DENND1A: variants seen among roughly 807,000 people sequenced by gnomAD.
DENND1A encodes DENN domain-containing protein 1A.
DENND1A carries 51 observed loss-of-function variants against 113.7 expected under a neutral mutation model. The observed-to-expected ratio is 0.45, with a 90% confidence interval of 0.36 to 0.57. The LOEUF (loss-of-function observed/expected upper bound fraction) is 0.57. Among genes scored for constraint, DENND1A ranks in the 20% least tolerant of loss-of-function variants. The pLI is 0.00. For missense variants in DENND1A, 1,258 were observed against 1,395.9 expected, an observed-to-expected ratio of 0.90 and a Z score of 1.57; for synonymous variants, 565 against 570.8, an observed-to-expected ratio of 0.99 and a Z score of 0.14.
rs562109212 is a variant in DENND1A at position 123,889,797 on chromosome 9, A to AC, written c.18-10777dup. Among the ~76,000 whole-genome samples, 200 of 152,224 alleles carry AC rather than the reference A, an allele frequency of 1.3e-3. 1 individual carries two copies. The highest frequency in any genetic ancestry group is 4.6e-3 in the African/African-American group (191 of 41,516). On this transcript the variant is annotated intron_variant, in intron 1 of 23. Transcript: ENST00000394215. Reference sequence around the variant, plus strand: ...AGACCAGCCTGGCCAACATGGTGAAACCCCGTCTCTACTAAAAATACAAAA... The same window carrying AC: ...AGACCAGCCTGGCCAACATGGTGAAACCCCCGTCTCTACTAAAAATACAAAA...
intron 9 of DENND1A, among the ~76,000 whole-genome samples, chr9:123,644,100 G>A (rs563380826): frequency 2.0e-5 from 3 of 152,060 alleles, no homozygotes; most frequent in South Asian, 2.1e-4. Flanking sequence ...ATCAACTTTC[G>A]GGGGTGCTAA....
chr9:123,475,176 G>A (rs533597280), intron 13 of DENND1A, among the ~76,000 whole-genome samples: 2 of 152,058 alleles, frequency 1.3e-5, no homozygotes, highest in African/African-American at 2.4e-5. Flanking sequence ...CCGCCAACAC[G>A]CCCGGCTAAT....
At chr9:123,388,107 A>G (rs984813753) in intron 21 of DENND1A, among the ~76,000 whole-genome samples, 1 of 152,230 alleles carries the variant, frequency 6.6e-6, no homozygotes, top group African/African-American at 2.4e-5. Flanking sequence ...CATTTGGTTA[A>G]CCCTCAAAGT....
chr9:123,880,910 T>C (rs1848228788), intron 1 of DENND1A, among the ~76,000 whole-genome samples: 1 of 152,184 alleles, frequency 6.6e-6, no homozygotes, highest in Non-Finnish European at 1.5e-5. Context: ...GCTTATATTA[T>C]AAATAATGGC....
intron 5 of DENND1A, among the ~76,000 whole-genome samples, chr9:123,741,944 G>C (rs997076507): frequency 1.3e-5 from 2 of 152,282 alleles, no homozygotes; most frequent in South Asian, 4.1e-4. Flanking sequence ...AAGTACTGAG[G>C]GATAATTCTG....
intron 2 of DENND1A, among the ~76,000 whole-genome samples, chr9:123,829,957 T>G (rs891948766): frequency 3.9e-5 from 6 of 152,142 alleles, no homozygotes; most frequent in Admixed American, 2.0e-4. Flanking sequence ...CTAAACAAAA[T>G]TTTAGCAAAA....
intron 12 of DENND1A, among the ~76,000 whole-genome samples, chr9:123,574,956 T>C (rs1589198313): frequency 6.6e-6 from 1 of 152,208 alleles, no homozygotes; most frequent in Non-Finnish European, 1.5e-5. Context: ...CAAGATCCAA[T>C]CCAGGATCCT....
At chr9:123,655,321 G>A (rs559111491) in intron 8 of DENND1A, among the ~76,000 whole-genome samples, 75 of 152,312 alleles carry the variant, frequency 4.9e-4, no homozygotes, top group African/African-American at 1.6e-3. Flanking sequence ...CACGGAGGAA[G>A]CAATGGCTGA....
At chr9:123,591,013 T>C (rs551788681) in intron 11 of DENND1A, among the ~76,000 whole-genome samples, 1 of 152,284 alleles carries the variant, frequency 6.6e-6, no homozygotes, top group African/African-American at 2.4e-5. Flanking sequence ...GTCCAGGATT[T>C]TTAACTTTTT....
At chr9:123,566,991 G>A (rs12342546) in intron 12 of DENND1A, among the ~76,000 whole-genome samples, 40,489 of 151,328 alleles carry the variant, frequency 0.27, 5,616 homozygotes, top group African/African-American at 0.3. Flanking sequence ...CAAGCTACAG[G>A]AGACTACAAG....
intron 1 of DENND1A, among the ~76,000 whole-genome samples, chr9:123,889,255 T>C (rs1272603779): frequency 6.6e-6 from 1 of 152,066 alleles, no homozygotes; most frequent in African/African-American, 2.4e-5. Flanking sequence ...CCTTTCGGCT[T>C]CCTCCTCTGT....
Position 123,746,969 on chromosome 9 carries a change from C to T in DENND1A, c.302+10734G>A, listed in dbSNP as rs1008352103. Among the ~76,000 whole-genome samples, 5 of 152,072 alleles carry T rather than the reference C, an allele frequency of 3.3e-5. No individual in the cohort carries two copies. In the East Asian group the frequency reaches 9.6e-4, roughly 29 times the overall value. ...AGTGACAGTAAAAATCCTAGCTCAG[C>T]AGAAAACAGTATACTAGCAAACATA... On this transcript the variant is annotated intron_variant, in intron 5 of 23. Coordinates refer to ENST00000394215, the MANE Select transcript of DENND1A (RefSeq NM_001352964.2).
At chr9:123,630,554 C>A in intron 9 of DENND1A, 78 bp from the exon 10 acceptor site, 1 of 963,104 alleles carries the variant, frequency 1.0e-6, no homozygotes. Context: ...CAATACAATT[C>A]TATAATTCTT....
intron 13 of DENND1A, among the ~76,000 whole-genome samples, chr9:123,540,884 A>C (rs2056237795): frequency 6.6e-6 from 1 of 152,166 alleles, no homozygotes; most frequent in African/African-American, 2.4e-5. Flanking sequence ...GAGGATCGGA[A>C]GCAGCATGGG....
intron 3 of DENND1A, among the ~76,000 whole-genome samples, chr9:123,790,312 T>C (rs977212230): frequency 3.3e-5 from 5 of 152,114 alleles, no homozygotes; most frequent in African/African-American, 1.2e-4. Flanking sequence ...CTCAAACATA[T>C]TTCTGGGAAT....
At chr9:123,847,834 C>G (rs1842820324) in intron 2 of DENND1A, among the ~76,000 whole-genome samples, 1 of 152,158 alleles carries the variant, frequency 6.6e-6, no homozygotes, top group African/African-American at 2.4e-5. Context: ...ACTCAGGAAG[C>G]TGAGGCAGGA....
intron 9 of DENND1A, among the ~76,000 whole-genome samples, chr9:123,644,378 C>CAAAAAAAA (rs10541486): frequency 1.3e-4 from 11 of 84,020 alleles, no homozygotes; most frequent in Non-Finnish European, 1.7e-4. Flanking sequence ...TTACAAGCTA[C>CAAAAAAAA]AAAAAAAAAA....
At chr9:123,864,590 T>A (rs1394064653) in intron 2 of DENND1A, among the ~76,000 whole-genome samples, 3 of 152,112 alleles carry the variant, frequency 2.0e-5, no homozygotes, top group Non-Finnish European at 2.9e-5. Context: ...TCCTTTAAAC[T>A]TTTCGTCCTA....
intron 13 of DENND1A, among the ~76,000 whole-genome samples, chr9:123,504,991 C>G (rs2134339714): frequency 6.6e-6 from 1 of 152,290 alleles, no homozygotes; most frequent in East Asian, 1.9e-4. Context: ...AGAACCCACC[C>G]CCCTTGTAAA....
Sources: allele counts gnomAD v4.1 joint callset (sites outside exome capture counted in the v4.1 genomes callset), GRCh38; gene constraint gnomAD v4.1.1; transcripts MANE v1.5; gene names NCBI Gene and HGNC (gene_info 2026-07-23, HGNC 2026-07-21).